SLC30A8: variants seen among roughly 807,000 people sequenced by gnomAD.
The protein encoded by SLC30A8 is proton-coupled zinc antiporter SLC30A8.
A neutral mutation model predicts 36.9 loss-of-function variants in SLC30A8; 27 were observed. The observed-to-expected ratio is 0.73, with a 90% CI of 0.54 to 1.01. SLC30A8 has a LOEUF of 1.01. Ranked by LOEUF, SLC30A8 falls within the 50% of genes least tolerant of loss-of-function variation. The pLI is 0.00. For missense variants in SLC30A8, 439 were observed against 452.0 expected (o/e 0.97, Z 0.26); for synonymous variants, 164 against 172.4 (o/e 0.95, Z 0.38).
intron 2 of SLC30A8, among the ~76,000 whole-genome samples, chr8:117,080,696 A>G (rs778710019): frequency 5.9e-5 from 9 of 152,196 alleles, no homozygotes; most frequent in East Asian, 1.9e-4. Flanking sequence ...ATAGTATTCT[A>G]TGGTATATAT....
intron 1 of SLC30A8, among the ~76,000 whole-genome samples, chr8:116,966,559 T>G (rs1280582799): frequency 1.3e-5 from 2 of 152,174 alleles, no homozygotes; most frequent in East Asian, 3.9e-4. Flanking sequence ...AGTAATGTTT[T>G]CTTCTTCTCT....
chr8:117,018,610 T>C (rs1337504594), intron 1 of SLC30A8, among the ~76,000 whole-genome samples: 1 of 151,184 alleles, frequency 6.6e-6, no homozygotes, highest in African/African-American at 2.4e-5. Flanking sequence ...CGTTTGATAG[T>C]GTTGGCCTAG....
Position 117,172,563 on chromosome 8 carries a change from GGAGA to G in SLC30A8, c.995_998del (p.Arg332LysfsTer48). On this transcript the variant is annotated frameshift_variant, in exon 8 of 8. Coordinates refer to ENST00000456015, the MANE Select transcript of SLC30A8 (RefSeq NM_173851.3). LOFTEE classifies it high-confidence loss of function. ...GCCAGCCGGGACAGCCAAGTGGTTC[GGAGA>G]GAAATTGCTAAAGCCCTTAGCAAAA... The G allele has an allele frequency of 6.2e-7, 1 of 1,613,670 alleles. No homozygotes were observed. Among genetic ancestry groups the G allele is most frequent in the Non-Finnish European group, 8.5e-7 (1 of 1,179,704 alleles).
chr8:117,036,117 C>G (rs944590208), intron 1 of SLC30A8, among the ~76,000 whole-genome samples: 12 of 152,306 alleles, frequency 7.9e-5, no homozygotes, highest in African/African-American at 1.7e-4. Flanking sequence ...ATTCCCCCCC[C>G]CAGAAAATGG....
chr8:117,023,603 C>T (rs1237352919), intron 1 of SLC30A8, among the ~76,000 whole-genome samples: 1 of 151,790 alleles, frequency 6.6e-6, no homozygotes, highest in African/African-American at 2.4e-5. Context: ...CCATCATTCT[C>T]AGCAAACTAT....
chr8:117,139,090 AG>A (rs1821511950), intron 1 of SLC30A8, among the ~76,000 whole-genome samples: 1 of 151,540 alleles, frequency 6.6e-6, no homozygotes, highest in South Asian at 2.1e-4. Context: ...AAAGACAGGC[AG>A]AAAAAGAGGT....
At chr8:116,979,584 C>G (rs958974835) in intron 1 of SLC30A8, among the ~76,000 whole-genome samples, 1 of 152,110 alleles carries the variant, frequency 6.6e-6, no homozygotes, top group Non-Finnish European at 1.5e-5. Flanking sequence ...AATTTCTGGA[C>G]CAAGTTTCCT....
intron 1 of SLC30A8, among the ~76,000 whole-genome samples, chr8:117,018,799 A>G (rs1816612009): frequency 6.6e-6 from 1 of 151,294 alleles, no homozygotes; most frequent in Non-Finnish European, 1.5e-5. Context: ...CCCTGGGACT[A>G]CAGGGGCCTG....
chr8:117,168,332 C>T (rs572453880), intron 6 of SLC30A8, among the ~76,000 whole-genome samples: 1 of 152,266 alleles, frequency 6.6e-6, no homozygotes, highest in Non-Finnish European at 1.5e-5. Flanking sequence ...ACTAACTGTT[C>T]ATTCTTTTCT....
intron 2 of SLC30A8, among the ~76,000 whole-genome samples, chr8:117,077,198 T>A (rs977714949): frequency 7.2e-5 from 11 of 152,184 alleles, no homozygotes; most frequent in Non-Finnish European, 1.3e-4. Context: ...ATTCACCCAA[T>A]AAAGGTGATG....
At chr8:117,028,271 A>G (rs1436665238) in intron 1 of SLC30A8, among the ~76,000 whole-genome samples, 1 of 152,218 alleles carries the variant, frequency 6.6e-6, no homozygotes, top group Non-Finnish European at 1.5e-5. Context: ...GGAAATGTTA[A>G]TAGTGGTATT....
chr8:117,045,261 T>C (rs1817514689), intron 2 of SLC30A8, among the ~76,000 whole-genome samples: 1 of 152,192 alleles, frequency 6.6e-6, no homozygotes, highest in Non-Finnish European at 1.5e-5. Context: ...ATGGAGGAAA[T>C]GCTGAGATGC....
In SLC30A8 at chr8:117,161,739, C is replaced by A. The variant is rs1381756937; in HGVS notation, c.574C>A (p.Leu192Ile). ...SSCAVAANIV[L>I]TVVLHQRCLG... Reference sequence around the variant, plus strand: ...TAAGAACATTGTTCTCTCTTTCAGACTAACTGTGGTTTTGCACCAGAGATG... The same window carrying A: ...TAAGAACATTGTTCTCTCTTTCAGAATAACTGTGGTTTTGCACCAGAGATG... The change falls in exon 5 of 8, where the codon CTA (leucine) becomes ATA (isoleucine). Residue 192 changes from leucine to isoleucine, a missense_variant and splice_region_variant. Physicochemically the swap from Leu to Ile is conservative, Grantham distance 5. Transcript: ENST00000456015. 2 of 1,612,800 alleles carry A rather than the reference C, an allele frequency of 1.2e-6. No individual in the cohort carries two copies. Among genetic ancestry groups the A allele is most frequent in the Non-Finnish European group, 1.7e-6 (2 of 1,179,122 alleles).
Position 117,067,590 on chromosome 8 carries a change from A to G in SLC30A8, c.-226+28332A>G, listed in dbSNP as rs1474851858. The stretch of plus-strand genomic sequence containing the variant: ...TTAGTCCATACAATCTAAAGTGGCT[A>G]CAGAATCTGGAGGACTCACATTTAT... On this transcript the variant is annotated intron_variant, in intron 2 of 10. Coordinates refer to the SLC30A8 transcript ENST00000427715. 2.0e-5 allele frequency among the ~76,000 whole-genome samples: 3 copies of G among 152,216 alleles called. 1 individual carries two copies. The highest frequency in any genetic ancestry group is 1.3e-4 in the Admixed American group (2 of 15,282).
chr8:117,102,627 A>G (rs967659338), intron 2 of SLC30A8, among the ~76,000 whole-genome samples: 3 of 152,060 alleles, frequency 2.0e-5, no homozygotes, highest in Admixed American at 6.6e-5. Flanking sequence ...TCTAGGGAAG[A>G]CTTCTTCTTT....
chr8:117,004,334 A>T (rs1482143503), intron 1 of SLC30A8, among the ~76,000 whole-genome samples: 2 of 152,244 alleles, frequency 1.3e-5, no homozygotes, highest in African/African-American at 4.8e-5. Context: ...TTTTGAATAG[A>T]TCTTTCTCAG....
intron 1 of SLC30A8, among the ~76,000 whole-genome samples, chr8:116,980,334 A>C (rs1474035874): frequency 2.0e-5 from 3 of 152,100 alleles, no homozygotes; most frequent in Admixed American, 6.5e-5. Flanking sequence ...ATCTGTAGGG[A>C]GAGTCTTCTT....
intron 1 of SLC30A8, among the ~76,000 whole-genome samples, chr8:116,985,355 A>G (rs1815409882): frequency 6.6e-6 from 1 of 151,560 alleles, no homozygotes; most frequent in Non-Finnish European, 1.5e-5. Context: ...TCTTTTTTAA[A>G]ACCCAAAGGG....
At chr8:116,964,094 C>A (rs941067793) in intron 1 of SLC30A8, among the ~76,000 whole-genome samples, 1 of 152,100 alleles carries the variant, frequency 6.6e-6, no homozygotes, top group Non-Finnish European at 1.5e-5. Context: ...ACATAAAATT[C>A]GATCTGGATA....
Sources: gnomAD v4.1 joint callset for allele counts (sites outside exome capture counted in the v4.1 genomes callset) on GRCh38, gnomAD v4.1.1 for gene constraint, MANE v1.5 for transcripts, NCBI Gene and HGNC (gene_info 2026-07-23, HGNC 2026-07-21) for gene names.